Variants in NTM observed in about 807,000 individuals in gnomAD.
NTM encodes the protein IgLON family member 2.
NTM carries 13 observed loss-of-function variants against 42.1 expected under a neutral mutation model. The observed-to-expected ratio is 0.31, with a 90% CI of 0.20 to 0.49. The LOEUF (loss-of-function observed/expected upper bound fraction) is 0.49, where lower values mean the gene tolerates loss of function less well. NTM is among the 20% of genes least tolerant of loss of function. The pLI, the probability that NTM is intolerant of heterozygous loss-of-function variation, is 0.99. For synonymous variants in NTM, 187 were observed against 179.2 expected (o/e 1.04, Z -0.35); for missense variants, 373 against 452.8 (o/e 0.82, Z 1.60).
At chr11:131,896,429 A>ATGT (rs2052275935) in intron 1 of NTM, among the ~76,000 whole-genome samples, 1 of 152,212 alleles carries the variant, frequency 6.6e-6, no homozygotes, top group Non-Finnish European at 1.5e-5. Flanking sequence ...ATCACCATGA[A>ATGT]TGTGACAGCT....
At chr11:131,480,387 G>A (rs955884128) in intron 1 of NTM, among the ~76,000 whole-genome samples, 5 of 152,036 alleles carry the variant, frequency 3.3e-5, no homozygotes, top group South Asian at 2.1e-4. Flanking sequence ...AAAAGCTGTC[G>A]CTTGATACTA....
At chr11:132,331,852 T>A (rs932011243) in intron 8 of NTM, among the ~76,000 whole-genome samples, 4 of 151,742 alleles carry the variant, frequency 2.6e-5, no homozygotes, top group African/African-American at 9.7e-5. Context: ...GGGGAGAGTG[T>A]GTGAGGGTGG....
In NTM at chr11:131,603,959, T is replaced by C. The variant is rs1157166245; in HGVS notation, c.82+233071T>C. Among the ~76,000 whole-genome samples the C allele has an allele frequency of 3.9e-5, 6 of 152,358 alleles. No homozygotes were observed. The South Asian group carries it at 1.2e-3, about 32-fold the overall frequency. On this transcript the variant is annotated intron_variant, in intron 1 of 8. Transcript: ENST00000683400. Reference sequence around the variant, plus strand: ...ATTTAATAGACATGTGGATTGTTTTTACTTTTTACCTGTTATAAATAATGC... The same window carrying C: ...ATTTAATAGACATGTGGATTGTTTTCACTTTTTACCTGTTATAAATAATGC...
At chr11:131,664,411 C>G (rs1343252576) in intron 1 of NTM, among the ~76,000 whole-genome samples, 1 of 152,164 alleles carries the variant, frequency 6.6e-6, no homozygotes, top group African/African-American at 2.4e-5. Context: ...CTAATGAGGT[C>G]TAGAATTTTT....
chr11:131,782,423 T>C (rs1186177588), intron 1 of NTM, among the ~76,000 whole-genome samples: 1 of 151,680 alleles, frequency 6.6e-6, no homozygotes, highest in African/African-American at 2.4e-5. Flanking sequence ...ATATAAAATA[T>C]TTAAGGAGGA....
chr11:131,773,747 A>T (rs1160063738), intron 1 of NTM, among the ~76,000 whole-genome samples: 1 of 152,226 alleles, frequency 6.6e-6, no homozygotes, highest in Non-Finnish European at 1.5e-5. Flanking sequence ...CTAAAGTCAC[A>T]TACTGTCTTG....
intron 2 of NTM, among the ~76,000 whole-genome samples, chr11:131,936,005 G>A (rs1478422082): frequency 2.0e-5 from 3 of 151,058 alleles, no homozygotes; most frequent in African/African-American, 7.4e-5. Context: ...GGGAATCATG[G>A]AAATTTTATA....
intron 2 of NTM, among the ~76,000 whole-genome samples, chr11:132,096,277 G>A (rs996000945): frequency 2.6e-5 from 4 of 152,104 alleles, no homozygotes; most frequent in African/African-American, 7.2e-5. Context: ...GTAATTGGCC[G>A]GGCATTGGTC....
chr11:132,291,359 TG>T (rs1024472879), intron 4 of NTM, among the ~76,000 whole-genome samples: 1 of 151,920 alleles, frequency 6.6e-6, no homozygotes, highest in Non-Finnish European at 1.5e-5. Context: ...TTTTGAGAAA[TG>T]TGACTGGTAA....
intron 1 of NTM, among the ~76,000 whole-genome samples, chr11:131,668,092 G>T (rs1449791574): frequency 6.6e-6 from 1 of 152,172 alleles, no homozygotes; most frequent in Non-Finnish European, 1.5e-5. Flanking sequence ...TCTTGAACAA[G>T]GCCTTGCAAC....
chr11:131,532,378 G>C (rs960115310), intron 1 of NTM, among the ~76,000 whole-genome samples: 1 of 152,306 alleles, frequency 6.6e-6, no homozygotes, highest in African/African-American at 2.4e-5. Context: ...ATGTATCTAT[G>C]TTGTAGCGGG....
intron 1 of NTM, among the ~76,000 whole-genome samples, chr11:131,486,894 G>A (rs1954234220): frequency 6.6e-6 from 1 of 152,136 alleles, no homozygotes; most frequent in Admixed American, 6.5e-5. Flanking sequence ...GCCCTGGATG[G>A]ACCATAAATA....
At chr11:131,977,294 G>T (rs2064547982) in intron 2 of NTM, among the ~76,000 whole-genome samples, 1 of 152,224 alleles carries the variant, frequency 6.6e-6, no homozygotes, top group African/African-American at 2.4e-5. Context: ...GCTGTGTGCT[G>T]TCACCCCACG....
chr11:131,911,516 A>G, intron 1 of NTM, 48 bp from the exon 2 acceptor site: 1 of 1,614,126 alleles, frequency 6.2e-7, no homozygotes. Flanking sequence ...CTGCCCTGGA[A>G]GTGCCTCGTG....
intron 1 of NTM, among the ~76,000 whole-genome samples, chr11:131,756,892 G>T (rs1269239374): frequency 1.3e-5 from 2 of 152,180 alleles, no homozygotes. Context: ...CTGCTATGCA[G>T]TTGACCTCCG....
chr11:132,317,812 A>G (rs1044898438), intron 7 of NTM: 2 of 475,676 alleles, frequency 4.2e-6, no homozygotes, highest in African/African-American at 4.1e-5. Flanking sequence ...GTGGAAGGCT[A>G]TTGAAGGAGG....
intron 1 of NTM, among the ~76,000 whole-genome samples, chr11:131,908,791 C>T (rs955929948): frequency 5.9e-5 from 9 of 152,172 alleles, no homozygotes; most frequent in African/African-American, 1.2e-4. Flanking sequence ...CACAATTGCC[C>T]GTTGGAAAAT....
In NTM at chr11:132,278,571, A is replaced by T. The variant is rs573163451; in HGVS notation, c.527-29118A>T. On this transcript the variant is annotated intron_variant, in intron 4 of 8. Transcript: ENST00000683400. Reference sequence around the variant, plus strand: ...ACCCAGACACAAGAGACACAAGTGGAATGCAAGGGTGCAGGGTCATATTCT... The same window carrying T: ...ACCCAGACACAAGAGACACAAGTGGTATGCAAGGGTGCAGGGTCATATTCT... Among the ~76,000 whole-genome samples, 29 of 152,256 alleles carry T rather than the reference A, an allele frequency of 1.9e-4. No individual in the cohort carries two copies. In the South Asian group the frequency reaches 5.8e-3, roughly 31 times the overall value.
intron 4 of NTM, among the ~76,000 whole-genome samples, chr11:132,217,518 C>G (rs570710700): frequency 6.6e-6 from 1 of 151,924 alleles, no homozygotes; most frequent in African/African-American, 2.4e-5. Flanking sequence ...AGAGATCTTC[C>G]CTAGGGTGAT....
Sources: allele counts gnomAD v4.1 joint callset (sites outside exome capture counted in the v4.1 genomes callset), GRCh38; gene constraint gnomAD v4.1.1; transcripts MANE v1.5; gene names NCBI Gene and HGNC (gene_info 2026-07-23, HGNC 2026-07-21).